GABPA: variants seen among roughly 807,000 people sequenced by gnomAD.
GABPA encodes the protein GA binding protein transcription factor subunit alpha.
A neutral mutation model predicts 59.4 loss-of-function variants in GABPA; 4 were observed. The ratio of observed to expected loss-of-function variants is 0.07; its 90% CI spans 0.03 to 0.15. GABPA has a LOEUF of 0.15. Among genes scored for constraint, GABPA ranks in the 10% least tolerant of loss-of-function variants. The pLI is 1.00. For missense variants in GABPA, 251 were observed against 543.8 expected (o/e 0.46, Z 5.36); for synonymous variants, 164 against 183.1 (o/e 0.90, Z 0.84).
chr21:25,745,565 A>T (rs2035340861), intron 3 of GABPA, among the ~76,000 whole-genome samples: 1 of 152,244 alleles, frequency 6.6e-6, no homozygotes, highest in South Asian at 2.1e-4. Flanking sequence ...ACTAAAACAA[A>T]TGAAACATTT....
At chr21:25,751,357 A>G (rs2035508230) in intron 4 of GABPA, among the ~76,000 whole-genome samples, 1 of 149,780 alleles carries the variant, frequency 6.7e-6, no homozygotes, top group Non-Finnish European at 1.5e-5. Context: ...CCTTTGTATT[A>G]ATAAATTATT....
At chr21:25,762,457 T>A (rs923345360) in intron 7 of GABPA, 92 bp downstream of exon 7, 18 of 919,000 alleles carry the variant, frequency 2.0e-5, no homozygotes, top group South Asian at 5.1e-5. Context: ...TTTAAAAAAA[T>A]TTTTTTTCTA....
At chr21:25,750,559 A>G (rs1323008574) in intron 4 of GABPA, among the ~76,000 whole-genome samples, 1 of 152,254 alleles carries the variant, frequency 6.6e-6, no homozygotes, top group Non-Finnish European at 1.5e-5. Context: ...TACCCAAGTT[A>G]GAAAAGAAAA....
In GABPA at chr21:25,771,368, C is replaced by T. The variant is rs1278168441; in HGVS notation, c.*2136C>T. 2.6e-5 allele frequency: 4 copies of T among 151,212 alleles called. No homozygotes were observed. Among genetic ancestry groups the T allele is most frequent in the Admixed American group, 2.6e-4 (4 of 15,202 alleles). The allele number at this position is 151,212 out of a possible 1,614,324, so 9.4% of individuals were successfully genotyped here. A position where few individuals can be genotyped will look rare whatever the true frequency, so the allele number is the denominator to read the frequency against. On this transcript the variant is annotated 3_prime_UTR_variant, in exon 10 of 10. Coordinates refer to ENST00000400075, the MANE Select transcript of GABPA (RefSeq NM_002040.4). ...GTTTTTTTTTAAATCATATTTTATTCATTTTCTCCCTTTAGCAATTTTCAT... is the reference window on the plus strand; with the variant it reads ...GTTTTTTTTTAAATCATATTTTATTTATTTTCTCCCTTTAGCAATTTTCAT...
chr21:25,739,549 A>G (rs982565832), intron 1 of GABPA, among the ~76,000 whole-genome samples: 11 of 152,202 alleles, frequency 7.2e-5, no homozygotes, highest in African/African-American at 2.4e-4. Context: ...GCTAACCGGC[A>G]GATCTTCACA....
chr21:25,751,885 G>T, intron 4 of GABPA, 104 bp from the exon 5 acceptor site: 1 of 1,134,600 alleles, frequency 8.8e-7, no homozygotes, highest in Non-Finnish European at 1.3e-6. Flanking sequence ...TGCTTTATTC[G>T]ATGTAGTTTT....
At chr21:25,752,968 T>A (rs1298384970) in intron 5 of GABPA, among the ~76,000 whole-genome samples, 1 of 152,074 alleles carries the variant, frequency 6.6e-6, no homozygotes, top group Non-Finnish European at 1.5e-5. Flanking sequence ...CTGAGCAGAT[T>A]GACAGATTTT....
At chr21:25,744,779 TTA>T (rs1319827394) in intron 2 of GABPA, among the ~76,000 whole-genome samples, 1 of 152,188 alleles carries the variant, frequency 6.6e-6, no homozygotes, top group Non-Finnish European at 1.5e-5. Context: ...TATTCTATTT[TTA>T]TATCTTTCTT....
chr21:25,748,027 C>G (rs2035412401), intron 3 of GABPA, among the ~76,000 whole-genome samples: 1 of 152,148 alleles, frequency 6.6e-6, no homozygotes, highest in East Asian at 1.9e-4. Context: ...ATGCCTCAGC[C>G]TCCCAAGTAG....
At chr21:25,767,771 T>G (rs2035927474) in intron 9 of GABPA, among the ~76,000 whole-genome samples, 1 of 152,084 alleles carries the variant, frequency 6.6e-6, no homozygotes, top group Admixed American at 6.6e-5. Flanking sequence ...TTGACATAAA[T>G]GGAAACTACA....
chr21:25,761,511 C>T (rs1182843848), intron 6 of GABPA, among the ~76,000 whole-genome samples: 1 of 152,150 alleles, frequency 6.6e-6, no homozygotes, highest in Non-Finnish European at 1.5e-5. Context: ...CCTGGCAAGG[C>T]ACCCTTAGCG....
Position 25,770,910 on chromosome 21 carries a change from G to A in GABPA, c.*1678G>A, listed in dbSNP as rs2035997357. 1 of 152,034 alleles carries A rather than the reference G, an allele frequency of 6.6e-6. No individual in the cohort carries two copies. Among genetic ancestry groups the A allele is most frequent in the Non-Finnish European group, 1.5e-5 (1 of 67,922 alleles). 9.4% of individuals were successfully genotyped at this position (152,034 alleles called of 1,614,324 possible). A position where few individuals can be genotyped will look rare whatever the true frequency, so the allele number is the denominator to read the frequency against. On this transcript the variant is annotated 3_prime_UTR_variant, in exon 10 of 10. Coordinates refer to ENST00000400075, the MANE Select transcript of GABPA (RefSeq NM_002040.4). ...TTCCTGCAGTTGATATCTGAGCAGA[G>A]TAAGATTTGTATTTCCATTTTTACT...
At chr21:25,757,484 G>C (rs964249801) in intron 5 of GABPA, among the ~76,000 whole-genome samples, 2 of 152,092 alleles carry the variant, frequency 1.3e-5, no homozygotes, top group Non-Finnish European at 2.9e-5. Flanking sequence ...GAGTAAAACA[G>C]GCAATTACCA....
chr21:25,749,136 T>G lies in GABPA; in HGVS notation c.307+16T>G. On this transcript the variant is annotated intron_variant, in intron 4 of 9. Transcript: ENST00000400075. Reference sequence around the variant, plus strand: ...TCTTACCAAGGTAAGTTACTTTTCATGATAGTTATTTAAAATTTTAGCTCA... The same window carrying G: ...TCTTACCAAGGTAAGTTACTTTTCAGGATAGTTATTTAAAATTTTAGCTCA... The G allele has an allele frequency of 1.4e-6, 2 of 1,405,774 alleles. No individual in the cohort carries two copies. Among genetic ancestry groups the G allele is most frequent in the Middle Eastern group, 1.8e-4 (1 of 5,484 alleles). The allele number at this position is 1,405,774 out of a possible 1,614,324, so 87.1% of individuals were successfully genotyped here. A position where few individuals can be genotyped will look rare whatever the true frequency, so the allele number is the denominator to read the frequency against.
chr21:25,758,941 G>A (rs1160897729), intron 6 of GABPA, among the ~76,000 whole-genome samples: 3 of 152,094 alleles, frequency 2.0e-5, no homozygotes, highest in Non-Finnish European at 2.9e-5. Context: ...AAGGTGGTGC[G>A]TGTCTGTAGT....
At chr21:25,748,117 G>T (rs577705706) in intron 3 of GABPA, among the ~76,000 whole-genome samples, 1 of 152,210 alleles carries the variant, frequency 6.6e-6, no homozygotes, top group South Asian at 2.1e-4. Context: ...TGTTGCCCAG[G>T]CTGGTCTCGA....
chr21:25,747,842 T>G (rs1351004702), intron 3 of GABPA, among the ~76,000 whole-genome samples: 1 of 152,196 alleles, frequency 6.6e-6, no homozygotes. Flanking sequence ...AGACAATTTT[T>G]AATGAAATGT....
Position 25,735,191 on chromosome 21 carries a change from C to T in GABPA, c.-414C>T. On this transcript the variant is annotated 5_prime_UTR_variant, in exon 1 of 10. Coordinates refer to ENST00000400075, the MANE Select transcript of GABPA (RefSeq NM_002040.4). ...CGCATGCGCTCTTTGAGTGGCCTTTCCCCTAGTTCAAGCTCCCCTCCGAGT... is the reference window on the plus strand; with the variant it reads ...CGCATGCGCTCTTTGAGTGGCCTTTTCCCTAGTTCAAGCTCCCCTCCGAGT... The T allele has an allele frequency of 3.3e-6, 2 of 599,874 alleles. No individual in the cohort carries two copies. The highest frequency in any genetic ancestry group is 3.0e-6 in the Non-Finnish European group (1 of 334,008). 37.2% of individuals were successfully genotyped at this position (599,874 alleles called of 1,614,324 possible).
chr21:25,754,209 A>G (rs1368102271), intron 5 of GABPA, among the ~76,000 whole-genome samples: 1 of 152,222 alleles, frequency 6.6e-6, no homozygotes, highest in East Asian at 1.9e-4. Flanking sequence ...AAGTTAAAAT[A>G]AATTCATTAT....
Sources: gnomAD v4.1 joint callset for allele counts (sites outside exome capture counted in the v4.1 genomes callset) on GRCh38, gnomAD v4.1.1 for gene constraint, MANE v1.5 for transcripts, NCBI Gene and HGNC (gene_info 2026-07-23, HGNC 2026-07-21) for gene names.